The following CDH20 variants were observed in gnomAD, a reference collection of about 807,000 sequenced individuals.
CDH20 encodes cadherin-20.
A neutral mutation model predicts 74.2 loss-of-function variants in CDH20; 29 were observed. The observed-to-expected ratio is 0.39, with a 90% confidence interval of 0.29 to 0.53. CDH20 has a LOEUF of 0.53. Ranked by LOEUF, CDH20 falls within the 20% of genes least tolerant of loss-of-function variation. The pLI, the probability that CDH20 is intolerant of heterozygous loss-of-function variation, is 0.69. For synonymous variants in CDH20, 469 were observed against 405.4 expected (o/e 1.16, Z -1.88); for missense variants, 988 against 1,048.3 (o/e 0.94, Z 0.79).
intron 7 of CDH20, among the ~76,000 whole-genome samples, chr18:61,530,448 A>G (rs781177787): frequency 2.1e-4 from 32 of 152,218 alleles, no homozygotes; most frequent in Non-Finnish European, 3.1e-4. Flanking sequence ...CATCATCTGC[A>G]TTTTTGTTAC....
chr18:61,354,454 A>T (rs188114171), intron 1 of CDH20, among the ~76,000 whole-genome samples: 34 of 152,166 alleles, frequency 2.2e-4, no homozygotes, highest in Non-Finnish European at 3.5e-4. Flanking sequence ...CAAGAAATAC[A>T]AAAAATTAGC....
rs547907107 is a variant in CDH20 at position 61,503,149 on chromosome 18, C to A, written c.829+29C>A. On this transcript the variant is annotated intron_variant, in intron 5 of 11. Transcript: ENST00000262717. The stretch of plus-strand genomic sequence containing the variant: ...AGTACCTAACCCAAGAGAGCACAGA[C>A]CTCGGGCCCAGAGGGACGCACCCGT... The A allele has an allele frequency of 3.9e-6, 6 of 1,533,096 alleles. No individual in the cohort carries two copies. The East Asian group carries it at 1.2e-4, about 30-fold the overall frequency. 95.0% of individuals were successfully genotyped at this position (1,533,096 alleles called of 1,614,324 possible). A position where few individuals can be genotyped will look rare whatever the true frequency, so the allele number is the denominator to read the frequency against.
intron 11 of CDH20, among the ~76,000 whole-genome samples, chr18:61,551,284 GAA>G (rs1913422074): frequency 6.6e-6 from 1 of 152,084 alleles, no homozygotes; most frequent in Non-Finnish European, 1.5e-5. Context: ...CATGCTTAGA[GAA>G]AAACAGATTT....
Position 61,507,422 on chromosome 18 carries a change from C to T in CDH20, c.879C>T (p.Val293=), listed in dbSNP as rs141370412. Residue 293 remains valine (V), a synonymous_variant, in exon 6 of 12, where the codon GTC becomes GTT. Coordinates refer to ENST00000262717, the MANE Select transcript of CDH20 (RefSeq NM_031891.4). ...VLESAPISST[V]GRVFAKDLDE... The stretch of plus-strand genomic sequence containing the variant: ...AATCAGCTCCAATTAGCTCCACTGT[C>T]GGGAGAGTGTTTGCCAAGGACTTGG... The T allele has an allele frequency of 4.0e-3, 6,499 of 1,614,020 alleles. 19 individuals carry two copies. Among genetic ancestry groups the T allele is most frequent in the Non-Finnish European group, 4.8e-3 (5,693 of 1,179,956 alleles).
intron 1 of CDH20, chr18:61,404,726 T>C: frequency 3.2e-6 from 1 of 310,106 alleles, no homozygotes; most frequent in Non-Finnish European, 5.9e-6. Flanking sequence ...AAATGGAGCA[T>C]GAAAAAAGAG....
At chr18:61,346,230 G>T (rs913223350) in intron 1 of CDH20, among the ~76,000 whole-genome samples, 1 of 152,194 alleles carries the variant, frequency 6.6e-6, no homozygotes, top group Non-Finnish European at 1.5e-5. Context: ...GCATCGTTAT[G>T]AGTTATTTCT....
chr18:61,554,516 G>A lies in CDH20; in HGVS notation c.2227G>A (p.Asp743Asn). The A allele has an allele frequency of 6.2e-7, 1 of 1,612,866 alleles. No homozygotes were observed. The highest frequency in any genetic ancestry group is 8.5e-7 in the Non-Finnish European group (1 of 1,179,792). Residue 743 changes from aspartate (D) to asparagine (N), a missense_variant, in exon 12 of 12, where the codon GAC becomes AAC. By Grantham distance (23) the Asp-to-Asn change is conservative. This residue lies in a region of CDH20 where 375 missense variants were observed against 293.1 expected (regional missense o/e 1.28). Transcript: ENST00000262717. ...ADMDLWAPPFDSLQTYMFEGD... is the reference protein window; with the variant it reads ...ADMDLWAPPFNSLQTYMFEGD... Reference sequence around the variant, plus strand: ...CATGGACCTGTGGGCACCGCCCTTCGACTCCCTCCAGACGTATATGTTCGA... The same window carrying A: ...CATGGACCTGTGGGCACCGCCCTTCAACTCCCTCCAGACGTATATGTTCGA...
intron 1 of CDH20, among the ~76,000 whole-genome samples, chr18:61,373,983 T>C (rs75412565): frequency 0.039 from 5,984 of 152,264 alleles, 165 homozygotes; most frequent in South Asian, 0.085. Flanking sequence ...TTCGACGCTT[T>C]GTCAGTCTTT....
chr18:61,370,956 G>A (rs1241065837), intron 1 of CDH20, among the ~76,000 whole-genome samples: 1 of 151,994 alleles, frequency 6.6e-6, no homozygotes, highest in East Asian at 1.9e-4. Flanking sequence ...GTTAGACTAG[G>A]CATGTAGCCC....
In CDH20 at chr18:61,502,968, C is replaced by T. The variant is rs773905357; in HGVS notation, c.677C>T (p.Ala226Val). 2.2e-5 allele frequency: 35 copies of T among 1,611,376 alleles called. No individual in the cohort carries two copies. The highest frequency in any genetic ancestry group is 3.3e-5 in the South Asian group (3 of 90,584). Reference protein sequence around the residue: ...VDSKTGVIRTALMNMDREAKE... With the variant: ...VDSKTGVIRTVLMNMDREAKE... ...TATCCTCCAGGTGTAATTAGGACAG[C>T]GCTCATGAACATGGACAGAGAAGCC... Residue 226 changes from alanine to valine, a missense_variant, in exon 5 of 12, where the codon GCG (alanine) becomes GTG (valine). This residue lies in a region of CDH20 where 613 missense variants were observed against 755.2 expected (regional missense o/e 0.81). Coordinates refer to ENST00000262717, the MANE Select transcript of CDH20 (RefSeq NM_031891.4).
intron 1 of CDH20, among the ~76,000 whole-genome samples, chr18:61,411,108 G>A (rs901514618): frequency 6.6e-6 from 1 of 151,970 alleles, no homozygotes; most frequent in Non-Finnish European, 1.5e-5. Flanking sequence ...GCTGAGGCAG[G>A]AGAATGGCGT....
intron 2 of CDH20, among the ~76,000 whole-genome samples, chr18:61,496,480 G>T (rs1051160768): frequency 2.0e-5 from 3 of 151,728 alleles, no homozygotes; most frequent in African/African-American, 4.8e-5. Context: ...CTTACAAGAC[G>T]TCAGGCCCAC....
intron 1 of CDH20, among the ~76,000 whole-genome samples, chr18:61,344,324 G>T (rs1388085308): frequency 6.6e-6 from 1 of 152,136 alleles, no homozygotes; most frequent in Non-Finnish European, 1.5e-5. Flanking sequence ...TTTAGTAGCT[G>T]AAGAAATGAA....
chr18:61,394,523 A>G (rs560463614), intron 1 of CDH20, among the ~76,000 whole-genome samples: 3 of 152,278 alleles, frequency 2.0e-5, no homozygotes, highest in Admixed American at 2.0e-4. Context: ...GATCACCAGC[A>G]AATGTCCAGA....
intron 1 of CDH20, among the ~76,000 whole-genome samples, chr18:61,393,558 C>A (rs551120595): frequency 6.7e-4 from 102 of 152,170 alleles, no homozygotes; most frequent in Non-Finnish European, 1.3e-3. Context: ...AAGAAACTTA[C>A]AGTGTATTTT....
At chr18:61,412,282 C>G (rs559639103) in intron 1 of CDH20, among the ~76,000 whole-genome samples, 1 of 152,010 alleles carries the variant, frequency 6.6e-6, no homozygotes, top group East Asian at 1.9e-4. Flanking sequence ...AGTATTATGG[C>G]AATATAAATT....
intron 1 of CDH20, among the ~76,000 whole-genome samples, chr18:61,385,500 C>G (rs1400100038): frequency 6.7e-6 from 1 of 150,086 alleles, no homozygotes; most frequent in Non-Finnish European, 1.5e-5. Flanking sequence ...CAAAAATGGA[C>G]AGTAAAAATA....
At chr18:61,423,017 G>A (rs1477111178) in intron 1 of CDH20, among the ~76,000 whole-genome samples, 1 of 152,128 alleles carries the variant, frequency 6.6e-6, no homozygotes, top group East Asian at 1.9e-4. Context: ...GAATGATTTA[G>A]CTACTAAATA....
At chr18:61,427,045 C>A (rs1156441622) in intron 1 of CDH20, among the ~76,000 whole-genome samples, 1 of 151,988 alleles carries the variant, frequency 6.6e-6, no homozygotes, top group African/African-American at 2.4e-5. Context: ...GGGGCAAGAA[C>A]AGAAGAATTA....
Sources: allele counts gnomAD v4.1 joint callset (sites outside exome capture counted in the v4.1 genomes callset), GRCh38; gene constraint gnomAD v4.1.1; regional missense constraint gnomAD v4.1.1; transcripts MANE v1.5; gene names NCBI Gene and HGNC (gene_info 2026-07-23, HGNC 2026-07-21).